The following ARSK variants were observed in gnomAD, a reference collection of about 807,000 sequenced individuals.
The protein encoded by ARSK is arylsulfatase K.
Under a neutral mutation model 53.2 loss-of-function variants are expected in ARSK, and 37 were observed. That is an observed-to-expected ratio of 0.70 (90% CI 0.54 to 0.92). The LOEUF (loss-of-function observed/expected upper bound fraction) is 0.92. Among genes scored for constraint, ARSK ranks in the 40% least tolerant of loss-of-function variants. The pLI is 0.00. For synonymous variants in ARSK, 208 were observed against 223.2 expected (o/e 0.93, Z 0.61); for missense variants, 613 against 643.0 (o/e 0.95, Z 0.51).
chr5:95,600,498 T>A, intron 6 of ARSK: 1 of 385,096 alleles, frequency 2.6e-6, no homozygotes, highest in Non-Finnish European at 4.9e-6. Context: ...TGATATTAAC[T>A]ATTTGTTGAA....
intron 6 of ARSK, among the ~76,000 whole-genome samples, chr5:95,594,339 C>T (rs756593095): frequency 9.2e-5 from 14 of 151,962 alleles, no homozygotes; most frequent in Non-Finnish European, 1.6e-4. Context: ...TCATAGAGCT[C>T]TTATAAATCT....
At chr5:95,591,724 C>A in intron 6 of ARSK, 99 bp downstream of exon 6, 1 of 1,130,690 alleles carries the variant, frequency 8.8e-7, no homozygotes, top group Non-Finnish European at 1.3e-6. Flanking sequence ...GTCAGAGGTC[C>A]TGCTGACTTG....
At chr5:95,589,311 CA>C (rs1749173924) in intron 5 of ARSK, among the ~76,000 whole-genome samples, 1 of 152,208 alleles carries the variant, frequency 6.6e-6, no homozygotes. Context: ...GGTACATGTG[CA>C]GGGTATGCAG....
chr5:95,557,026 TAAAAATAAAAAAATTTTTA>T (rs1421833231), intron 1 of ARSK: 2 of 151,258 alleles, frequency 1.3e-5, no homozygotes, highest in African/African-American at 2.4e-5. Context: ...AAAATAAAAA[TAAAAATAAAAAAATTTTTA>T]AAAAATAAAA....
chr5:95,572,892 C>T (rs1748859484), intron 3 of ARSK, among the ~76,000 whole-genome samples: 1 of 152,194 alleles, frequency 6.6e-6, no homozygotes, highest in African/African-American at 2.4e-5. Context: ...TACACCACCC[C>T]CACCTCTACC....
At chr5:95,563,701 T>C (rs1748677734) in intron 1 of ARSK, among the ~76,000 whole-genome samples, 1 of 152,192 alleles carries the variant, frequency 6.6e-6, no homozygotes, top group African/African-American at 2.4e-5. Context: ...TTACACCAAT[T>C]TGAACCTAGC....
Position 95,596,537 on chromosome 5 carries a change from A to G in ARSK, c.1097-4310A>G, listed in dbSNP as rs571137292. Among the ~76,000 whole-genome samples, 7 of 152,292 alleles carry G rather than the reference A, an allele frequency of 4.6e-5. No homozygotes were observed. In the East Asian group the frequency reaches 1.2e-3, roughly 25 times the overall value. ...TTTTAAAATATTTGAGTCTTCTGGA[A>G]ACTAAAAATGAAATTAAAATCCTGA... is the stretch of plus-strand genomic sequence containing the variant. On this transcript the variant is annotated intron_variant, in intron 6 of 7. Coordinates refer to ENST00000380009, the MANE Select transcript of ARSK (RefSeq NM_198150.3).
chr5:95,583,514 A>G (rs909516156), intron 4 of ARSK, among the ~76,000 whole-genome samples: 1 of 152,208 alleles, frequency 6.6e-6, no homozygotes, highest in African/African-American at 2.4e-5. Flanking sequence ...ACCATGCAAG[A>G]TGAAACCACA....
chr5:95,571,074 C>A (rs1205348321), intron 3 of ARSK, among the ~76,000 whole-genome samples: 1 of 152,236 alleles, frequency 6.6e-6, no homozygotes, highest in African/African-American at 2.4e-5. Context: ...AGCCACTGCA[C>A]CCGGCCATAA....
chr5:95,576,610 C>T (rs1283442460), intron 3 of ARSK, among the ~76,000 whole-genome samples: 3 of 151,740 alleles, frequency 2.0e-5, no homozygotes, highest in African/African-American at 4.8e-5. Flanking sequence ...TGGAACCGGG[C>T]GCAGTAGCTC....
At position 95,566,048 on chromosome 5, in the gene ARSK, T is replaced by G. The variant is rs534511302; in HGVS notation, c.177T>G (p.Phe59Leu). 2 of 1,613,416 alleles carry G rather than the reference T, an allele frequency of 1.2e-6. No homozygotes were observed. The highest frequency in any genetic ancestry group is 4.5e-5 in the East Asian group (2 of 44,836). The change falls in exon 2 of 8, where the codon TTT becomes TTG. Residue 59 changes from phenylalanine (F) to leucine (L), a missense_variant. Coordinates refer to ENST00000380009, the MANE Select transcript of ARSK (RefSeq NM_198150.3). ...GAAGTCAGGTAGTGAAACTTCCTTT[T>G]ATCAACTTTATGAAGACACGTGGGA... ...HPGSQVVKLP[F>L]INFMKTRGTS...
chr5:95,584,491 T>C (rs776847214), intron 4 of ARSK, among the ~76,000 whole-genome samples: 2 of 152,236 alleles, frequency 1.3e-5, no homozygotes, highest in South Asian at 2.1e-4. Context: ...ATGCATGTTC[T>C]ACCTGTATTT....
At chr5:95,580,372 GA>G (rs1184259021) in intron 3 of ARSK, among the ~76,000 whole-genome samples, 1 of 152,184 alleles carries the variant, frequency 6.6e-6, no homozygotes, top group Admixed American at 6.5e-5. Flanking sequence ...AAGTAGCTCT[GA>G]GCATATGAGC....
At chr5:95,584,051 C>T (rs1051071343) in intron 4 of ARSK, among the ~76,000 whole-genome samples, 1 of 152,198 alleles carries the variant, frequency 6.6e-6, no homozygotes, top group Admixed American at 6.5e-5. Flanking sequence ...CCCAGCTCCG[C>T]TATTTCTTCT....
intron 6 of ARSK, among the ~76,000 whole-genome samples, chr5:95,598,527 C>T (rs1453875473): frequency 6.6e-6 from 1 of 152,086 alleles, no homozygotes. Flanking sequence ...CCCAAGTTCC[C>T]CTTATCTCTT....
chr5:95,592,693 C>T (rs369748845), intron 6 of ARSK, among the ~76,000 whole-genome samples: 8 of 152,154 alleles, frequency 5.3e-5, no homozygotes, highest in African/African-American at 1.7e-4. Flanking sequence ...GGATTACAGG[C>T]GCCTGCCACC....
At position 95,567,897 on chromosome 5, in the gene ARSK, G is replaced by A. The variant is rs1164298309; in HGVS notation, c.264G>A (p.Trp88Ter). Residue 88 changes from tryptophan to a stop codon, truncating the protein, a stop_gained, in exon 3 of 8, where the codon TGG (tryptophan) becomes TGA (stop). Transcript: ENST00000380009. LOFTEE classifies it high-confidence loss of function. ...PICCPSRAAMWSGLFTHLTES... is the reference protein window; with the variant it reads ...PICCPSRAAM ...TTTTTTTTTTTTTCTCAGCAATGTG[G>A]AGTGGCCTCTTCACTCACTTAACAG... 6.2e-7 allele frequency: 1 copy of A among 1,601,410 alleles called. No homozygotes were observed. The highest frequency in any genetic ancestry group is 8.5e-7 in the Non-Finnish European group (1 of 1,174,876).
At chr5:95,574,194 C>T (rs569554409) in intron 3 of ARSK, among the ~76,000 whole-genome samples, 70 of 152,252 alleles carry the variant, frequency 4.6e-4, no homozygotes, top group African/African-American at 1.6e-3. Flanking sequence ...TTTTTTATAG[C>T]TGAATAGTAC....
chr5:95,603,140 TAA>T, intron 7 of ARSK, 95 bp from the exon 8 acceptor site: 1 of 917,492 alleles, frequency 1.1e-6, no homozygotes, highest in Non-Finnish European at 1.5e-6. Context: ...ACTGAAAATC[TAA>T]AAAAAAAATC....
Sources: allele counts gnomAD v4.1 joint callset (sites outside exome capture counted in the v4.1 genomes callset), GRCh38; gene constraint gnomAD v4.1.1; transcripts MANE v1.5; gene names NCBI Gene and HGNC (gene_info 2026-07-23, HGNC 2026-07-21).